The following PAPOLG variants were observed in gnomAD, a reference collection of about 807,000 sequenced individuals.
The protein encoded by PAPOLG is poly(A) polymerase gamma, also known as PAP-gamma.
PAPOLG carries 40 observed loss-of-function variants against 99.0 expected under a neutral mutation model. The observed-to-expected ratio is 0.40, with a 90% CI of 0.31 to 0.53. PAPOLG has a LOEUF of 0.53. PAPOLG is among the 20% of genes least tolerant of loss of function. The pLI is 0.41. For synonymous variants in PAPOLG, 310 were observed against 299.3 expected (o/e 1.04, Z -0.37); for missense variants, 675 against 884.1 (o/e 0.76, Z 3.00).
At chr2:60,788,237 T>C (rs1031854700) in intron 15 of PAPOLG, among the ~76,000 whole-genome samples, 1 of 152,144 alleles carries the variant, frequency 6.6e-6, no homozygotes, top group Non-Finnish European at 1.5e-5. Context: ...GACTGGTTGC[T>C]TCTAGGTCAG....
At position 60,770,620 on chromosome 2, in the gene PAPOLG, CTCTT is replaced by C. The variant is rs1670822935; in HGVS notation, c.492+111_492+114del. 3 of 658,970 alleles carry C rather than the reference CTCTT, an allele frequency of 4.6e-6. No individual in the cohort carries two copies. In the African/African-American group the frequency reaches 5.7e-5, roughly 12 times the overall value. The allele number at this position is 658,970 out of a possible 1,614,324, so 40.8% of individuals were successfully genotyped here. A position where few individuals can be genotyped will look rare whatever the true frequency, so the allele number is the denominator to read the frequency against. On this transcript the variant is annotated intron_variant, in intron 6 of 21. Transcript: ENST00000238714. The stretch of plus-strand genomic sequence containing the variant: ...TGCATATTTTAAAAAATCAAGTAAT[CTCTT>C]TTTTTTTTTTTAATGAAGAGATGGG...
chr2:60,795,530 T>A lies in PAPOLG; in HGVS notation c.2112+510T>A, dbSNP rs1041552505. Among the ~76,000 whole-genome samples the A allele has an allele frequency of 1.3e-5, 2 of 152,072 alleles. 1 individual carries two copies. Among genetic ancestry groups the A allele is most frequent in the Admixed American group, 1.3e-4 (2 of 15,256 alleles). On this transcript the variant is annotated intron_variant, in intron 21 of 21. Transcript: ENST00000238714. ...AGAATTACTTTTATAACTAAAAATG[T>A]GTGTAGTATTAAGTGTGGTATGCTA... is the stretch of plus-strand genomic sequence containing the variant.
At chr2:60,769,607 A>T (rs1412535425) in intron 5 of PAPOLG, among the ~76,000 whole-genome samples, 2 of 152,192 alleles carry the variant, frequency 1.3e-5, no homozygotes, top group African/African-American at 4.8e-5. Flanking sequence ...ACTAATCTCA[A>T]CTGTATTAAT....
chr2:60,778,645 A>C (rs1209350234), intron 8 of PAPOLG, among the ~76,000 whole-genome samples: 1 of 152,174 alleles, frequency 6.6e-6, no homozygotes, highest in Non-Finnish European at 1.5e-5. Context: ...GTTACAAGTT[A>C]AAAAATAGCA....
At position 60,759,332 on chromosome 2, in the gene PAPOLG, C is replaced by G. The variant is rs191917119; in HGVS notation, c.18-802C>G. On this transcript the variant is annotated intron_variant, in intron 1 of 21. Transcript: ENST00000238714. ...GCAGTGAGCTGAGATCTCCCCAATG[C>G]ACTCCAGCCTGGGAGACAGAGAGAG... Among the ~76,000 whole-genome samples, 766 of 151,314 alleles carry G rather than the reference C, an allele frequency of 5.1e-3. 3 individuals carry two copies. Among genetic ancestry groups the G allele is most frequent in the Non-Finnish European group, 5.5e-3 (374 of 67,906 alleles).
chr2:60,774,513 C>T (rs1670956244), intron 7 of PAPOLG, among the ~76,000 whole-genome samples: 1 of 151,886 alleles, frequency 6.6e-6, no homozygotes, highest in Non-Finnish European at 1.5e-5. Flanking sequence ...ATATAGATGC[C>T]CACCACCACA....
chr2:60,786,148 A>G (rs1229497473), intron 13 of PAPOLG, among the ~76,000 whole-genome samples: 1 of 152,152 alleles, frequency 6.6e-6, no homozygotes, highest in Admixed American at 6.5e-5. Flanking sequence ...TAGCTTTCAT[A>G]TTTAAAGTTG....
rs1487956261 is a variant in PAPOLG, at chr2:60,782,706, A to G, written c.1048A>G (p.Ile350Val). The G allele has an allele frequency of 6.6e-7, 1 of 1,520,706 alleles. No individual in the cohort carries two copies. The highest frequency in any genetic ancestry group is 1.6e-5 in the African/African-American group (1 of 63,864). The allele number at this position is 1,520,706 out of a possible 1,614,324, so 94.2% of individuals were successfully genotyped here. ...FKQGLAVTDEILQGKSDWSKL... is the reference protein window; with the variant it reads ...FKQGLAVTDEVLQGKSDWSKL... ...TTTAGGTCTTGCAGTCACAGATGAAATTCTTCAAGGAAAGTCAGATTGGTC... is the reference window on the plus strand; with the variant it reads ...TTTAGGTCTTGCAGTCACAGATGAAGTTCTTCAAGGAAAGTCAGATTGGTC... The change falls in exon 12 of 22, where the codon ATT becomes GTT. Residue 350 changes from isoleucine (I) to valine (V), a missense_variant. Transcript: ENST00000238714.
At chr2:60,771,756 C>A in intron 7 of PAPOLG, 126 bp downstream of exon 7, 3 of 1,007,854 alleles carry the variant, frequency 3.0e-6, no homozygotes, top group Non-Finnish European at 2.8e-6. Context: ...TTTCCTTATA[C>A]AGATAATGTG....
chr2:60,768,996 G>T, intron 5 of PAPOLG, 106 bp downstream of exon 5: 1 of 827,414 alleles, frequency 1.2e-6, no homozygotes, highest in Non-Finnish European at 1.8e-6. Flanking sequence ...ACTATTAGGA[G>T]GTATTTAATA....
At chr2:60,757,788 G>T (rs10196947) in intron 1 of PAPOLG, among the ~76,000 whole-genome samples, 33,830 of 152,116 alleles carry the variant, frequency 0.22, 4,196 homozygotes, top group African/African-American at 0.31. Context: ...TTGTTTGCCT[G>T]TAAGTGAAAT....
intron 3 of PAPOLG, 57 bp downstream of exon 3, chr2:60,761,864 T>C: frequency 8.1e-7 from 1 of 1,233,582 alleles, no homozygotes; most frequent in Non-Finnish European, 1.2e-6. Flanking sequence ...CCATTCATCC[T>C]GGCAATAAGA....
Position 60,756,378 on chromosome 2 carries a change from G to A in PAPOLG, c.-101G>A, listed in dbSNP as rs900501980. 3 of 1,485,170 alleles carry A rather than the reference G, an allele frequency of 2.0e-6. No individual in the cohort carries two copies. The highest frequency in any genetic ancestry group is 1.4e-5 in the African/African-American group (1 of 72,462). 92.0% of individuals were successfully genotyped at this position (1,485,170 alleles called of 1,614,324 possible). A position where few individuals can be genotyped will look rare whatever the true frequency, so the allele number is the denominator to read the frequency against. On this transcript the variant is annotated 5_prime_UTR_variant, in exon 1 of 22. Coordinates refer to ENST00000238714, the MANE Select transcript of PAPOLG (RefSeq NM_022894.4). ...AGTGGGAAAGTGAGCGAGCAAGCGA[G>A]CTACTAGCGACCGGAGGAAAGTGAA...
chr2:60,771,147 C>G (rs1670841044), intron 6 of PAPOLG, among the ~76,000 whole-genome samples: 1 of 152,004 alleles, frequency 6.6e-6, no homozygotes. Flanking sequence ...CCTTTAACAT[C>G]AAAATAATAC....
At chr2:60,782,289 G>A (rs767021409) in intron 11 of PAPOLG, among the ~76,000 whole-genome samples, 2 of 152,000 alleles carry the variant, frequency 1.3e-5, no homozygotes, top group Admixed American at 6.6e-5. Flanking sequence ...TTGGTGGGCC[G>A]GGCGCGATGG....
intron 18 of PAPOLG, 23 bp downstream of exon 18, chr2:60,793,738 A>G (rs1558720588): frequency 6.3e-7 from 1 of 1,585,314 alleles, no homozygotes; most frequent in Non-Finnish European, 8.6e-7. Flanking sequence ...ACTTGTATAT[A>G]TTAATAATTA....
chr2:60,794,297 A>G, intron 19 of PAPOLG, 106 bp downstream of exon 19: 1 of 1,156,092 alleles, frequency 8.6e-7, no homozygotes, highest in Non-Finnish European at 1.2e-6. Flanking sequence ...AGTTGGCTGA[A>G]AAGAATATTT....
chr2:60,766,386 G>A (rs1285669800), intron 3 of PAPOLG, among the ~76,000 whole-genome samples: 1 of 152,174 alleles, frequency 6.6e-6, no homozygotes, highest in Non-Finnish European at 1.5e-5. Flanking sequence ...GCCAGAAGCT[G>A]GACATGGTGG....
chr2:60,795,256 G>T, intron 21 of PAPOLG: 2 of 632,486 alleles, frequency 3.2e-6, no homozygotes, highest in South Asian at 3.2e-5. Flanking sequence ...TATCTATTTA[G>T]ATTATGTTCA....
Sources: allele counts gnomAD v4.1 joint callset (sites outside exome capture counted in the v4.1 genomes callset), GRCh38; gene constraint gnomAD v4.1.1; transcripts MANE v1.5; gene names NCBI Gene and HGNC (gene_info 2026-07-23, HGNC 2026-07-21).